The following DACH1 variants were observed in gnomAD, a reference collection of about 807,000 sequenced individuals.
DACH1 encodes the protein dachshund family transcription factor 1, also known as dachshund homolog 1.
DACH1 carries 12 observed loss-of-function variants against 54.2 expected under a neutral mutation model. The observed-to-expected ratio is 0.22, with a 90% confidence interval of 0.14 to 0.36. The LOEUF (loss-of-function observed/expected upper bound fraction) is 0.36. DACH1 is among the 10% of genes least tolerant of loss of function. DACH1 has a pLI of 1.00. For missense variants in DACH1, 805 were observed against 929.8 expected, an observed-to-expected ratio of 0.87 and a Z score of 1.75; for synonymous variants, 386 against 366.2, an observed-to-expected ratio of 1.05 and a Z score of -0.62.
At chr13:71,742,223 ATC>A (rs898379470) in intron 1 of DACH1, among the ~76,000 whole-genome samples, 1 of 152,118 alleles carries the variant, frequency 6.6e-6, no homozygotes, top group African/African-American at 2.4e-5. Flanking sequence ...GTCCAATTAA[ATC>A]TCTTTTTCTT....
Position 71,666,932 on chromosome 13 carries a change from T to C in DACH1, c.964+14863A>G, listed in dbSNP as rs148320053. 3.5e-3 allele frequency among the ~76,000 whole-genome samples: 536 copies of C among 152,186 alleles called. 1 individual carries two copies. Among genetic ancestry groups the C allele is most frequent in the Middle Eastern group, 0.017 (5 of 294 alleles). Reference sequence around the variant, plus strand: ...CAGAGGTTGCAGTGAGTAGAGATCATGCCATTGCACTCCATCTTGGGCAAC... The same window carrying C: ...CAGAGGTTGCAGTGAGTAGAGATCACGCCATTGCACTCCATCTTGGGCAAC... On this transcript the variant is annotated intron_variant, in intron 2 of 10. Transcript: ENST00000613252.
intron 1 of DACH1, among the ~76,000 whole-genome samples, chr13:71,860,271 C>T (rs1032490340): frequency 8.6e-5 from 13 of 151,246 alleles, no homozygotes; most frequent in Admixed American, 5.9e-4. Context: ...TTAAACTGGC[C>T]AATCACAAAG....
At chr13:71,676,769 GT>G (rs1312828060) in intron 2 of DACH1, among the ~76,000 whole-genome samples, 1 of 152,102 alleles carries the variant, frequency 6.6e-6, no homozygotes, top group African/African-American at 2.4e-5. Context: ...CCCCGGTCCA[GT>G]ATTTTTTCCA....
chr13:71,700,371 C>T (rs1882060634), intron 1 of DACH1, among the ~76,000 whole-genome samples: 1 of 151,900 alleles, frequency 6.6e-6, no homozygotes, highest in Non-Finnish European at 1.5e-5. Flanking sequence ...GCCTGACTAA[C>T]ACGGTGAAAC....
At chr13:71,602,707 C>A (rs1474501446) in intron 3 of DACH1, among the ~76,000 whole-genome samples, 2 of 152,038 alleles carry the variant, frequency 1.3e-5, no homozygotes, top group East Asian at 1.9e-4. Context: ...ACATGCAAAT[C>A]TTTTTAACAC....
At chr13:71,501,302 T>C (rs1011063102) in intron 6 of DACH1, among the ~76,000 whole-genome samples, 7 of 152,152 alleles carry the variant, frequency 4.6e-5, no homozygotes, top group Non-Finnish European at 2.9e-5. Flanking sequence ...GGTTTTTCAG[T>C]CATCACATAT....
chr13:71,771,376 A>G (rs1885848392), intron 1 of DACH1, among the ~76,000 whole-genome samples: 1 of 151,390 alleles, frequency 6.6e-6, no homozygotes, highest in South Asian at 2.1e-4. Flanking sequence ...AGAATGACCA[A>G]ATGACAGATT....
chr13:71,861,908 A>G (rs1488872235), intron 1 of DACH1, among the ~76,000 whole-genome samples: 3 of 54,614 alleles, frequency 5.5e-5, no homozygotes, highest in African/African-American at 2.0e-4. Context: ...ACTCCTAACC[A>G]AAAAAAAAAA....
chr13:71,578,331 C>G (rs1430832363), intron 3 of DACH1, among the ~76,000 whole-genome samples: 1 of 152,122 alleles, frequency 6.6e-6, no homozygotes, highest in Non-Finnish European at 1.5e-5. Flanking sequence ...CTTAGAAAGA[C>G]GTCAACTCCA....
chr13:71,865,861 G>A, intron 1 of DACH1, 61 bp downstream of exon 1: 1 of 1,465,730 alleles, frequency 6.8e-7, no homozygotes, highest in African/African-American at 1.5e-5. Context: ...AAGGAGCGAG[G>A]GCAGGCGAGC....
chr13:71,839,807 C>T (rs1888946878), intron 1 of DACH1, among the ~76,000 whole-genome samples: 1 of 151,916 alleles, frequency 6.6e-6, no homozygotes, highest in Non-Finnish European at 1.5e-5. Context: ...CTTAGACTTA[C>T]AATACTGTTC....
intron 6 of DACH1, among the ~76,000 whole-genome samples, chr13:71,533,707 C>G (rs1882568269): frequency 6.6e-6 from 1 of 151,682 alleles, no homozygotes. Flanking sequence ...TTGTCTCTGT[C>G]TCTCTCTGTC....
intron 2 of DACH1, among the ~76,000 whole-genome samples, chr13:71,654,317 G>A (rs1878894535): frequency 6.6e-6 from 1 of 150,956 alleles, no homozygotes; most frequent in African/African-American, 2.4e-5. Flanking sequence ...TTGAACCCAG[G>A]AGATGGAGGT....
At chr13:71,848,730 G>T (rs562549839) in intron 1 of DACH1, among the ~76,000 whole-genome samples, 1 of 152,076 alleles carries the variant, frequency 6.6e-6, no homozygotes, top group Non-Finnish European at 1.5e-5. Flanking sequence ...TCACTATGTT[G>T]CCCAGGATGG....
intron 6 of DACH1, among the ~76,000 whole-genome samples, chr13:71,509,656 G>A (rs565932004): frequency 6.6e-5 from 10 of 152,146 alleles, no homozygotes; most frequent in African/African-American, 2.4e-4. Context: ...TATTAACAAT[G>A]ATATTCAGTA....
At chr13:71,742,014 G>A (rs1188401115) in intron 1 of DACH1, among the ~76,000 whole-genome samples, 4 of 152,118 alleles carry the variant, frequency 2.6e-5, no homozygotes, top group African/African-American at 9.7e-5. Context: ...AAGGATGCAG[G>A]GGGAGGTAAT....
intron 10 of DACH1, chr13:71,464,761 CACTTAA>C: frequency 4.4e-6 from 2 of 452,366 alleles, no homozygotes; most frequent in Non-Finnish European, 8.9e-6. Context: ...CTTGGCGGGT[CACTTAA>C]ACTTAGAAAT....
At chr13:71,602,288 G>T (rs1271300096) in intron 3 of DACH1, among the ~76,000 whole-genome samples, 2 of 151,904 alleles carry the variant, frequency 1.3e-5, no homozygotes, top group Non-Finnish European at 2.9e-5. Context: ...CTGCATAATT[G>T]CAAGTCACTA....
intron 1 of DACH1, among the ~76,000 whole-genome samples, chr13:71,776,900 C>A (rs1383521302): frequency 4.6e-5 from 7 of 152,058 alleles, no homozygotes; most frequent in Non-Finnish European, 4.4e-5. Flanking sequence ...ACAACTTGTT[C>A]TTCCTTCATC....
Sources: gnomAD v4.1 joint callset for allele counts (sites outside exome capture counted in the v4.1 genomes callset) on GRCh38, gnomAD v4.1.1 for gene constraint, MANE v1.5 for transcripts, NCBI Gene and HGNC (gene_info 2026-07-23, HGNC 2026-07-21) for gene names.